The following INSL6 variants were observed in gnomAD, a reference collection of about 807,000 sequenced individuals.
INSL6 encodes insulin like 6, also known as insulin-like peptide INSL6.
A neutral mutation model predicts 9.4 loss-of-function variants in INSL6; 16 were observed. The observed-to-expected ratio is 1.70, with a 90% confidence interval of 1.15 to 2.59. The LOEUF is 2.59. Ranked by LOEUF, INSL6 falls within the 30% of genes most tolerant of loss-of-function variation. INSL6 has a pLI of 0.00. For missense variants in INSL6, 391 were observed against 257.3 expected, an observed-to-expected ratio of 1.52 and a Z score of -3.56; for synonymous variants, 154 against 96.9, an observed-to-expected ratio of 1.59 and a Z score of -3.46.
the INSL6 span, among the ~76,000 whole-genome samples, chr9:5,104,986 T>G: frequency 6.6e-6 from 1 of 152,196 alleles, no homozygotes; most frequent in Non-Finnish European, 1.5e-5. Flanking sequence ...GCATTCCCTT[T>G]GAAAACTGGC....
chr9:5,007,132 T>G, the INSL6 span, among the ~76,000 whole-genome samples: 13,475 of 152,118 alleles, frequency 0.089, 1,738 homozygotes, highest in African/African-American at 0.29. Context: ...TTTCTGCTCT[T>G]AAGTACTTTC....
chr9:5,155,516 T>C (rs1482756369), intron 2 of INSL6, among the ~76,000 whole-genome samples: 5 of 135,406 alleles, frequency 3.7e-5, no homozygotes, highest in Non-Finnish European at 6.3e-5. Flanking sequence ...AATAAATACA[T>C]AGAACTACTA....
intron 2 of INSL6, among the ~76,000 whole-genome samples, chr9:5,138,704 C>G (rs928942628): frequency 2.1e-5 from 3 of 144,742 alleles, no homozygotes; most frequent in Non-Finnish European, 1.5e-5. Context: ...ACTTTCGGTA[C>G]ATGTACCCCA....
Position 5,185,489 on chromosome 9 carries a change from C to T in INSL6, c.114G>A (p.Val38=). Residue 38 remains valine, a synonymous_variant, in exon 1 of 2, where the codon GTG becomes GTA. Transcript: ENST00000381641. ...SARKLCGRYL[V]KEIEKLCGHA... is the part of the protein sequence containing the mutation. ...GGCCGCAGAGTTTTTCTATTTCTTTCACCAAGTACCTGCCGCACAGCTTCC... is the reference window on the plus strand; with the variant it reads ...GGCCGCAGAGTTTTTCTATTTCTTTTACCAAGTACCTGCCGCACAGCTTCC... 1 of 1,614,204 alleles carries T rather than the reference C, an allele frequency of 6.2e-7. No individual in the cohort carries two copies. Among genetic ancestry groups the T allele is most frequent in the Non-Finnish European group, 8.5e-7 (1 of 1,180,036 alleles).
At chr9:5,178,577 T>C (rs1238848493) in intron 1 of INSL6, among the ~76,000 whole-genome samples, 1 of 152,186 alleles carries the variant, frequency 6.6e-6, no homozygotes, top group Non-Finnish European at 1.5e-5. Context: ...TCTCTGTGGT[T>C]TCCTACATCA....
chr9:5,159,087 A>G (rs1226899617), downstream of INSL6, among the ~76,000 whole-genome samples: 3 of 152,178 alleles, frequency 2.0e-5, no homozygotes, highest in Non-Finnish European at 1.5e-5. Flanking sequence ...GTAATGGATT[A>G]TAAGATATTA....
chr9:5,095,920 A>C, the INSL6 span, among the ~76,000 whole-genome samples: 4 of 152,212 alleles, frequency 2.6e-5, no homozygotes, highest in Admixed American at 6.5e-5. Context: ...ACTGTCTCAC[A>C]CTTGAAACAA....
chr9:5,059,858 G>A, the INSL6 span, among the ~76,000 whole-genome samples: 1 of 152,074 alleles, frequency 6.6e-6, no homozygotes, highest in Admixed American at 6.6e-5. Context: ...CTTATGAAGT[G>A]CCTGTGACAG....
the INSL6 span, chr9:5,078,359 C>T: frequency 1.2e-6 from 2 of 1,612,248 alleles, no homozygotes; most frequent in African/African-American, 1.3e-5. Flanking sequence ...TTCTGCTTAT[C>T]AGAGAAGAAG....
At chr9:5,137,707 G>A (rs1367269914) in intron 2 of INSL6, among the ~76,000 whole-genome samples, 1 of 152,046 alleles carries the variant, frequency 6.6e-6, no homozygotes, top group Non-Finnish European at 1.5e-5. Flanking sequence ...AACACCAAAA[G>A]CAATGGCAAC....
At chr9:5,050,909 C>A in the INSL6 span, 1 of 1,269,952 alleles carries the variant, frequency 7.9e-7, no homozygotes, top group Non-Finnish European at 1.1e-6. Flanking sequence ...TCTGTGTTTA[C>A]CCATGCCTTT....
the INSL6 span, chr9:5,041,082 C>A: frequency 1.4e-6 from 1 of 704,160 alleles, no homozygotes; most frequent in Non-Finnish European, 2.5e-6. Flanking sequence ...CTACTACCTA[C>A]TACAGCCTGG....
chr9:5,103,074 G>A, the INSL6 span, among the ~76,000 whole-genome samples: 2 of 151,716 alleles, frequency 1.3e-5, no homozygotes, highest in East Asian at 3.9e-4. Flanking sequence ...TGGGATGAAT[G>A]CCCCAATTAA....
chr9:5,115,585 C>T, the INSL6 span, among the ~76,000 whole-genome samples: 1 of 152,200 alleles, frequency 6.6e-6, no homozygotes, highest in Non-Finnish European at 1.5e-5. Context: ...GATTATAAAT[C>T]ATTCTACTAT....
At chr9:5,145,804 C>T (rs1403901378) in intron 2 of INSL6, among the ~76,000 whole-genome samples, 3 of 152,250 alleles carry the variant, frequency 2.0e-5, no homozygotes, top group African/African-American at 2.4e-5. Context: ...TCTATCAGGC[C>T]GGTTACATTC....
rs577613014 is a variant in INSL6 at position 5,146,184 on chromosome 9, G to T, written c.377-12592C>A. Among the ~76,000 whole-genome samples the T allele has an allele frequency of 3.0e-4, 46 of 152,060 alleles. No homozygotes were observed. The South Asian group carries it at 8.8e-3, about 29-fold the overall frequency. ...GATTGTGGTATAAAGTGAACTCAGC[G>T]AATTGGCCTTGTTTCTTGAAGATTT... On this transcript the variant is annotated intron_variant, in intron 2 of 3. Coordinates refer to the INSL6 transcript ENST00000649639.
intron 1 of INSL6, among the ~76,000 whole-genome samples, chr9:5,182,004 C>G (rs1271753122): frequency 6.6e-6 from 1 of 152,120 alleles, no homozygotes; most frequent in African/African-American, 2.4e-5. Context: ...GAAGAGCAAT[C>G]TGATACTCCT....
At chr9:4,996,311 G>A in the INSL6 span, among the ~76,000 whole-genome samples, 3 of 152,150 alleles carry the variant, frequency 2.0e-5, no homozygotes, top group African/African-American at 7.2e-5. Context: ...AGCCAGGTGT[G>A]GTGGTGCATG....
chr9:5,011,616 T>C, the INSL6 span, among the ~76,000 whole-genome samples: 1 of 152,340 alleles, frequency 6.6e-6, no homozygotes, highest in East Asian at 1.9e-4. Flanking sequence ...AATTCTAATA[T>C]TTGGGTCTGC....
Sources: allele counts gnomAD v4.1 joint callset (sites outside exome capture counted in the v4.1 genomes callset), GRCh38; gene constraint gnomAD v4.1.1; transcripts MANE v1.5; gene names NCBI Gene and HGNC (gene_info 2026-07-23, HGNC 2026-07-21).